MACROD2: variants seen among roughly 807,000 people sequenced by gnomAD.
The protein encoded by MACROD2 is mono-ADP ribosylhydrolase 2.
In MACROD2, 36 loss-of-function variants were observed where a neutral mutation model predicts 70.4. That is an observed-to-expected ratio of 0.51 (90% CI 0.39 to 0.68). The LOEUF is 0.68. Ranked by LOEUF, MACROD2 falls within the 30% of genes least tolerant of loss-of-function variation. MACROD2 has a pLI of 0.00. For synonymous variants in MACROD2, 172 were observed against 178.8 expected, an observed-to-expected ratio of 0.96 and a Z score of 0.30; for missense variants, 496 against 538.4, an observed-to-expected ratio of 0.92 and a Z score of 0.78.
At chr20:14,557,438 G>A (rs922670961) in intron 4 of MACROD2, among the ~76,000 whole-genome samples, 9 of 151,752 alleles carry the variant, frequency 5.9e-5, no homozygotes, top group Non-Finnish European at 1.2e-4. Flanking sequence ...TAAAATACAG[G>A]TCACAAAATG....
At chr20:14,655,819 AAGCATTTC>A (rs1197533763) in intron 4 of MACROD2, among the ~76,000 whole-genome samples, 1 of 152,204 alleles carries the variant, frequency 6.6e-6, no homozygotes, top group African/African-American at 2.4e-5. Context: ...TGTTGCTGTC[AAGCATTTC>A]AGGTATGAGT....
chr20:15,658,427 A>C (rs1038483467), intron 8 of MACROD2, among the ~76,000 whole-genome samples: 3 of 152,204 alleles, frequency 2.0e-5, no homozygotes, highest in Non-Finnish European at 4.4e-5. Flanking sequence ...CCACTGGATA[A>C]CAAAGGCAGT....
intron 5 of MACROD2, among the ~76,000 whole-genome samples, chr20:14,862,715 A>ATATAAAAATATATATATAT (rs2073384739): frequency 3.2e-5 from 2 of 63,348 alleles, no homozygotes; most frequent in African/African-American, 1.3e-4. Flanking sequence ...ATATATATAT[A>ATATAAAAATATATATATAT]TTTTTTTTTA....
At chr20:15,021,968 C>T (rs1840957414) in intron 5 of MACROD2, among the ~76,000 whole-genome samples, 1 of 152,026 alleles carries the variant, frequency 6.6e-6, no homozygotes, top group African/African-American at 2.4e-5. Context: ...GTACTTTCAG[C>T]TCAATTCTTC....
At chr20:14,462,991 T>C (rs1292619198) in intron 3 of MACROD2, among the ~76,000 whole-genome samples, 1 of 152,106 alleles carries the variant, frequency 6.6e-6, no homozygotes, top group African/African-American at 2.4e-5. Flanking sequence ...TTTGTTCTTT[T>C]GGCTTAGGAT....
rs866373623 is a variant in MACROD2, at chr20:15,172,048, A to G, written c.419-57892A>G. On this transcript the variant is annotated intron_variant, in intron 5 of 17. Transcript: ENST00000684519. The stretch of plus-strand genomic sequence containing the variant: ...GGAAATATTAAATAAGCATATTCTA[A>G]TTAATTTTTTTCTTAAAAGACCTAA... Among the ~76,000 whole-genome samples the G allele has an allele frequency of 6.6e-5, 10 of 152,234 alleles. No homozygotes were observed. The South Asian group carries it at 8.3e-4, about 13-fold the overall frequency.
At chr20:14,881,464 T>C (rs564935269) in intron 5 of MACROD2, among the ~76,000 whole-genome samples, 320 of 152,094 alleles carry the variant, frequency 2.1e-3, no homozygotes, top group Non-Finnish European at 3.8e-3. Context: ...CGAGACTCAC[T>C]GTTCTTATCT....
At chr20:14,470,918 T>C (rs1257016911) in intron 3 of MACROD2, among the ~76,000 whole-genome samples, 1 of 152,094 alleles carries the variant, frequency 6.6e-6, no homozygotes, top group Non-Finnish European at 1.5e-5. Context: ...CAGCCCCCTT[T>C]CCAGGGAAGT....
chr20:15,001,572 A>T (rs1238324530), intron 5 of MACROD2, among the ~76,000 whole-genome samples: 1 of 152,142 alleles, frequency 6.6e-6, no homozygotes, highest in Non-Finnish European at 1.5e-5. Flanking sequence ...ACGCTGCAAT[A>T]TGCTATGTCC....
intron 6 of MACROD2, among the ~76,000 whole-genome samples, chr20:15,403,755 A>G: frequency 6.6e-6 from 1 of 152,158 alleles, no homozygotes; most frequent in East Asian, 1.9e-4. Flanking sequence ...AACTTAGCCC[A>G]TGAGATTGCA....
chr20:15,752,389 CA>C (rs896706391), intron 8 of MACROD2, among the ~76,000 whole-genome samples: 40 of 152,002 alleles, frequency 2.6e-4, no homozygotes, highest in African/African-American at 9.6e-4. Context: ...AGAGATAAAT[CA>C]AAACCCCTGC....
chr20:15,857,697 T>C (rs1166358055), intron 8 of MACROD2, among the ~76,000 whole-genome samples: 1 of 152,128 alleles, frequency 6.6e-6, no homozygotes, highest in Non-Finnish European at 1.5e-5. Flanking sequence ...TTCAGAGAAA[T>C]GCAACTTCAG....
chr20:13,999,575 G>C (rs959811771), intron 1 of MACROD2, among the ~76,000 whole-genome samples: 2 of 152,178 alleles, frequency 1.3e-5, no homozygotes, highest in African/African-American at 4.8e-5. Context: ...AGTTGCCTGG[G>C]TTTGAGTCCT....
chr20:14,739,765 G>A (rs533340675), intron 5 of MACROD2, among the ~76,000 whole-genome samples: 1 of 151,922 alleles, frequency 6.6e-6, no homozygotes, highest in Non-Finnish European at 1.5e-5. Flanking sequence ...TTTTTACATT[G>A]ACTGAATATT....
chr20:14,623,659 A>G (rs1243492991), intron 4 of MACROD2, among the ~76,000 whole-genome samples: 2 of 152,170 alleles, frequency 1.3e-5, no homozygotes, highest in Non-Finnish European at 2.9e-5. Context: ...CCAAACAGAT[A>G]ATAAAAATAT....
At chr20:14,076,941 C>G (rs1025399550) in intron 2 of MACROD2, among the ~76,000 whole-genome samples, 1 of 152,094 alleles carries the variant, frequency 6.6e-6, no homozygotes, top group Non-Finnish European at 1.5e-5. Context: ...GCTTTATAGC[C>G]ATGACTTCTT....
chr20:14,008,957 TA>T (rs2052860676), intron 2 of MACROD2, among the ~76,000 whole-genome samples: 1 of 152,158 alleles, frequency 6.6e-6, no homozygotes, highest in African/African-American at 2.4e-5. Context: ...TTACACCTTA[TA>T]CACAGATTAA....
rs6105405 is a variant in MACROD2 at position 15,383,684 on chromosome 20, A to G, written c.541-47721A>G. Among the ~76,000 whole-genome samples the G allele has an allele frequency of 8.7e-3, 1,325 of 152,300 alleles. 18 individuals carry two copies. Among genetic ancestry groups the G allele is most frequent in the African/African-American group, 0.03 (1,262 of 41,552 alleles). On this transcript the variant is annotated intron_variant, in intron 6 of 17. Coordinates refer to ENST00000684519, the MANE Select transcript of MACROD2 (RefSeq NM_001351661.2). ...GCCTTGCAGCATTGATCTCCAGGAA[A>G]GCTTGTGTTTTCTGGTGCACTTCCC...
At chr20:14,353,542 T>C (rs1172735281) in intron 3 of MACROD2, among the ~76,000 whole-genome samples, 1 of 152,128 alleles carries the variant, frequency 6.6e-6, no homozygotes, top group African/African-American at 2.4e-5. Context: ...TAGAGTATTT[T>C]TAACCACAGG....
Sources: gnomAD v4.1 joint callset for allele counts (sites outside exome capture counted in the v4.1 genomes callset) on GRCh38, gnomAD v4.1.1 for gene constraint, MANE v1.5 for transcripts, NCBI Gene and HGNC (gene_info 2026-07-23, HGNC 2026-07-21) for gene names.